TMEM132C: variants seen among roughly 807,000 people sequenced by gnomAD.
The protein encoded by TMEM132C is transmembrane protein 132C.
A neutral mutation model predicts 61.4 loss-of-function variants in TMEM132C; 29 were observed. The observed-to-expected ratio is 0.47, with a 90% CI of 0.35 to 0.64. The LOEUF is 0.64. Among genes scored for constraint, TMEM132C ranks in the 30% least tolerant of loss-of-function variants. TMEM132C has a pLI of 0.00. For missense variants in TMEM132C, 1,408 were observed against 1,476.9 expected (o/e 0.95, Z 0.76); for synonymous variants, 656 against 633.1 (o/e 1.04, Z -0.54).
chr12:128,414,564 T>C (rs1438510570), intron 1 of TMEM132C, among the ~76,000 whole-genome samples, 168 bp from the exon 2 acceptor site: 1 of 152,222 alleles, frequency 6.6e-6, no homozygotes, highest in Non-Finnish European at 1.5e-5. Flanking sequence ...GTGGACCATG[T>C]AGAATCGTTT....
rs893538111 is a variant in TMEM132C at position 128,345,765 on chromosome 12, GT to G, written c.86-68958del. 1.0e-4 allele frequency among the ~76,000 whole-genome samples: 15 copies of G among 149,986 alleles called. No homozygotes were observed. The East Asian group carries it at 1.6e-3, about 16-fold the overall frequency. On this transcript the variant is annotated intron_variant, in intron 1 of 8. Coordinates refer to ENST00000435159, the MANE Select transcript of TMEM132C (RefSeq NM_001136103.3). ...TGCTCACTTTTTAATGGGGTTGTTTGTTTTTTTTTCTTGTAAATTTGTTTAA... is the reference window on the plus strand; with the variant it reads ...TGCTCACTTTTTAATGGGGTTGTTTGTTTTTTTTCTTGTAAATTTGTTTAA...
intron 2 of TMEM132C, among the ~76,000 whole-genome samples, chr12:128,533,571 C>T (rs914494078): frequency 3.3e-5 from 5 of 152,128 alleles, no homozygotes; most frequent in Admixed American, 2.6e-4. Flanking sequence ...AGATGGCCAT[C>T]TTCATGTTCC....
intron 1 of TMEM132C, among the ~76,000 whole-genome samples, chr12:128,383,153 T>C (rs546159682): frequency 1.3e-5 from 2 of 152,294 alleles, no homozygotes; most frequent in South Asian, 4.1e-4. Context: ...CCTGTATGTG[T>C]GTGCACCTGT....
intron 2 of TMEM132C, among the ~76,000 whole-genome samples, chr12:128,429,477 A>G (rs1220823680): frequency 6.6e-6 from 1 of 152,146 alleles, no homozygotes; most frequent in Non-Finnish European, 1.5e-5. Context: ...GTGCCCGGGA[A>G]CATGGGCTGC....
chr12:128,379,966 T>G (rs1023865933), intron 1 of TMEM132C, among the ~76,000 whole-genome samples: 5 of 152,206 alleles, frequency 3.3e-5, no homozygotes, highest in Admixed American at 2.6e-4. Flanking sequence ...ATAGAGACAC[T>G]AGCCGATCAA....
rs143075336 is a variant in TMEM132C, at chr12:128,518,779, A to G, written c.975-25178A>G. ...GTGGTGTGTGTGTGTGTGTGTATGC[A>G]CAGGGACACACCCTTATTTCAGAAG... On this transcript the variant is annotated intron_variant, in intron 2 of 8. Coordinates refer to ENST00000435159, the MANE Select transcript of TMEM132C (RefSeq NM_001136103.3). Among the ~76,000 whole-genome samples, 200 of 152,066 alleles carry G rather than the reference A, an allele frequency of 1.3e-3. 1 individual carries two copies. The highest frequency in any genetic ancestry group is 4.5e-3 in the African/African-American group (187 of 41,476).
At chr12:128,501,445 T>A (rs979494004) in intron 2 of TMEM132C, among the ~76,000 whole-genome samples, 3 of 152,250 alleles carry the variant, frequency 2.0e-5, no homozygotes, top group African/African-American at 7.2e-5. Flanking sequence ...TCATAGCTCC[T>A]AACTAAGTGA....
chr12:128,280,540 C>G (rs905972352), intron 1 of TMEM132C, among the ~76,000 whole-genome samples: 1 of 152,076 alleles, frequency 6.6e-6, no homozygotes, highest in Non-Finnish European at 1.5e-5. Flanking sequence ...AACTTAATAG[C>G]GTAATCACTA....
At chr12:128,296,396 A>G (rs1055815818) in intron 1 of TMEM132C, among the ~76,000 whole-genome samples, 2 of 152,190 alleles carry the variant, frequency 1.3e-5, no homozygotes, top group Non-Finnish European at 2.9e-5. Flanking sequence ...CTCTAATGAC[A>G]TCCTGGCTTC....
intron 1 of TMEM132C, among the ~76,000 whole-genome samples, chr12:128,271,058 A>G (rs962429855): frequency 2.0e-5 from 3 of 152,060 alleles, no homozygotes; most frequent in African/African-American, 7.2e-5. Flanking sequence ...GTTCAAGACC[A>G]GCCTGGCCAA....
chr12:128,425,218 C>T (rs985462935), intron 2 of TMEM132C, among the ~76,000 whole-genome samples: 18 of 152,250 alleles, frequency 1.2e-4, no homozygotes, highest in African/African-American at 3.6e-4. Context: ...ATGATGCAGA[C>T]GCAGTTCTGA....
chr12:128,449,094 G>A (rs537049823), intron 2 of TMEM132C, among the ~76,000 whole-genome samples: 7 of 128,770 alleles, frequency 5.4e-5, no homozygotes, highest in South Asian at 4.8e-4. Flanking sequence ...CCGAGATCAC[G>A]CCACTGTACT....
At chr12:128,574,663 A>G (rs528402211) in intron 3 of TMEM132C, among the ~76,000 whole-genome samples, 1 of 152,362 alleles carries the variant, frequency 6.6e-6, no homozygotes, top group Non-Finnish European at 1.5e-5. Context: ...GTTTCCGTGT[A>G]GACTGGATTG....
chr12:128,508,207 G>A (rs1032919463), intron 2 of TMEM132C, among the ~76,000 whole-genome samples: 14 of 152,152 alleles, frequency 9.2e-5, no homozygotes, highest in African/African-American at 1.7e-4. Context: ...AGGCGAAAGC[G>A]GAAAACCCCT....
chr12:128,421,727 G>A (rs1868994478), intron 2 of TMEM132C, among the ~76,000 whole-genome samples: 1 of 152,272 alleles, frequency 6.6e-6, no homozygotes, highest in African/African-American at 2.4e-5. Context: ...TGTGGAAGAT[G>A]GAACCTTTGT....
chr12:128,704,187 A>C (rs1305224535), intron 8 of TMEM132C, among the ~76,000 whole-genome samples: 1 of 152,228 alleles, frequency 6.6e-6, no homozygotes, highest in Non-Finnish European at 1.5e-5. Flanking sequence ...TGCCATTTGC[A>C]GCAACATGGA....
chr12:128,516,821 G>T (rs1411463116), intron 2 of TMEM132C, among the ~76,000 whole-genome samples: 1 of 152,016 alleles, frequency 6.6e-6, no homozygotes. Flanking sequence ...GGCTGAGGCA[G>T]GGGGATGGCT....
At chr12:128,639,217 G>A (rs1954133418) in intron 4 of TMEM132C, among the ~76,000 whole-genome samples, 1 of 150,354 alleles carries the variant, frequency 6.7e-6, no homozygotes, top group Non-Finnish European at 1.5e-5. Context: ...TGATGGTGAT[G>A]ATAATGACAA....
intron 2 of TMEM132C, among the ~76,000 whole-genome samples, chr12:128,467,077 A>AGTGGAATTGTTGAAACCTCCC (rs1870759617): frequency 6.6e-6 from 1 of 152,214 alleles, no homozygotes; most frequent in Non-Finnish European, 1.5e-5. Flanking sequence ...AGGCAGGGAC[A>AGTGGAATTGTTGAAACCTCCC]GTGGAATTGT....
Sources: allele counts gnomAD v4.1 joint callset (sites outside exome capture counted in the v4.1 genomes callset), GRCh38; gene constraint gnomAD v4.1.1; transcripts MANE v1.5; gene names NCBI Gene and HGNC (gene_info 2026-07-23, HGNC 2026-07-21).